GULP1: variants seen among roughly 807,000 people sequenced by gnomAD.
GULP1 encodes PTB domain-containing engulfment adapter protein 1.
In GULP1, 19 loss-of-function variants were observed where a neutral mutation model predicts 40.9. That is an observed-to-expected ratio of 0.46 (90% CI 0.32 to 0.68). The LOEUF (loss-of-function observed/expected upper bound fraction) is 0.68, where lower values mean the gene tolerates loss of function less well. Ranked by LOEUF, GULP1 falls within the 30% of genes least tolerant of loss-of-function variation. The probability of loss-of-function intolerance (pLI) is 0.03; values close to 1 mark genes in which losing one functional copy is unlikely to be tolerated. For synonymous variants in GULP1, 119 were observed against 117.6 expected, an observed-to-expected ratio of 1.01 and a Z score of -0.08; for missense variants, 312 against 362.2, an observed-to-expected ratio of 0.86 and a Z score of 1.12.
At chr2:188,544,127 G>A (rs1691271553) in intron 7 of GULP1, among the ~76,000 whole-genome samples, 1 of 152,048 alleles carries the variant, frequency 6.6e-6, no homozygotes. Context: ...TACTGGAATT[G>A]CATCTGATGA....
At chr2:188,452,867 C>T (rs2058943283) in intron 2 of GULP1, among the ~76,000 whole-genome samples, 1 of 152,180 alleles carries the variant, frequency 6.6e-6, no homozygotes, top group Non-Finnish European at 1.5e-5. Context: ...CATATTAAAA[C>T]TATTAGCACT....
chr2:188,497,914 A>C (rs2063059997), intron 4 of GULP1, among the ~76,000 whole-genome samples: 1 of 151,904 alleles, frequency 6.6e-6, no homozygotes, highest in African/African-American at 2.4e-5. Flanking sequence ...TAGATTATGA[A>C]CCAACAGCAT....
chr2:188,366,542 A>G (rs1477038672), intron 1 of GULP1, among the ~76,000 whole-genome samples: 1 of 146,118 alleles, frequency 6.8e-6, no homozygotes, highest in Non-Finnish European at 1.5e-5. Context: ...CTACAATTAC[A>G]TGGGCTTTTT....
intron 1 of GULP1, among the ~76,000 whole-genome samples, chr2:188,329,136 A>G (rs191831622): frequency 5.7e-5 from 8 of 139,226 alleles, no homozygotes; most frequent in African/African-American, 2.2e-4. Context: ...AGCCCTCTCT[A>G]TTGGACTCTT....
chr2:188,471,594 A>G (rs1488954915), intron 2 of GULP1, among the ~76,000 whole-genome samples: 1 of 152,166 alleles, frequency 6.6e-6, no homozygotes, highest in Non-Finnish European at 1.5e-5. Context: ...ATAACACATT[A>G]TCTTAAGCTG....
At chr2:188,450,208 A>G (rs568732941) in intron 2 of GULP1, among the ~76,000 whole-genome samples, 50 of 152,318 alleles carry the variant, frequency 3.3e-4, no homozygotes, top group African/African-American at 1.2e-3. Context: ...TAGGCTTTAC[A>G]GAACATGATG....
chr2:188,475,767 A>G (rs2060960706), intron 2 of GULP1, among the ~76,000 whole-genome samples: 1 of 152,132 alleles, frequency 6.6e-6, no homozygotes, highest in Non-Finnish European at 1.5e-5. Context: ...CTGTTAAGAT[A>G]TAGGTGAAAA....
At chr2:188,512,318 G>T (rs1489831245) in intron 4 of GULP1, among the ~76,000 whole-genome samples, 1 of 151,874 alleles carries the variant, frequency 6.6e-6, no homozygotes, top group Non-Finnish European at 1.5e-5. Flanking sequence ...TATTAATCTT[G>T]AAGCAATATA....
At chr2:188,360,629 G>A (rs922637969) in intron 1 of GULP1, among the ~76,000 whole-genome samples, 2 of 152,068 alleles carry the variant, frequency 1.3e-5, no homozygotes, top group Non-Finnish European at 2.9e-5. Flanking sequence ...TTTGGTCATG[G>A]TGTGCACAAT....
chr2:188,352,523 A>C (rs760265687), intron 1 of GULP1, among the ~76,000 whole-genome samples: 10 of 151,488 alleles, frequency 6.6e-5, no homozygotes, highest in Non-Finnish European at 1.0e-4. Context: ...CCGTCATTGC[A>C]TGAGCCCATT....
intron 4 of GULP1, among the ~76,000 whole-genome samples, chr2:188,513,799 C>T (rs933558990): frequency 2.6e-5 from 4 of 151,914 alleles, no homozygotes; most frequent in African/African-American, 4.8e-5. Context: ...TAAATTTTGT[C>T]TATTTGGATT....
chr2:188,576,327 G>A (rs555703325), intron 9 of GULP1, among the ~76,000 whole-genome samples: 1 of 152,030 alleles, frequency 6.6e-6, no homozygotes, highest in South Asian at 2.1e-4. Context: ...TGGTCACTGT[G>A]AGCTTATGTA....
chr2:188,433,933 C>CTT (rs35704445), intron 2 of GULP1, among the ~76,000 whole-genome samples: 35 of 149,220 alleles, frequency 2.3e-4, no homozygotes, highest in East Asian at 1.2e-3. Context: ...TACCTTATAC[C>CTT]TTTTTTTTTT....
At chr2:188,466,256 G>T (rs544455230) in intron 2 of GULP1, among the ~76,000 whole-genome samples, 1 of 151,482 alleles carries the variant, frequency 6.6e-6, no homozygotes, top group South Asian at 2.1e-4. Flanking sequence ...GGCACACTTT[G>T]TGGTTTTTAT....
intron 2 of GULP1, among the ~76,000 whole-genome samples, chr2:188,473,255 T>C (rs1000127306): frequency 3.9e-5 from 6 of 152,166 alleles, no homozygotes; most frequent in Non-Finnish European, 2.9e-5. Flanking sequence ...CACTGGTTCT[T>C]GCCCAAGACC....
intron 9 of GULP1, among the ~76,000 whole-genome samples, chr2:188,580,818 A>G (rs1171970660): frequency 6.6e-5 from 10 of 152,120 alleles, no homozygotes; most frequent in East Asian, 1.9e-4. Flanking sequence ...TACCTTTTAC[A>G]ATAAAGTTTA....
intron 1 of GULP1, among the ~76,000 whole-genome samples, chr2:188,335,446 C>T (rs931819409): frequency 6.6e-6 from 1 of 152,168 alleles, no homozygotes; most frequent in Admixed American, 6.5e-5. Flanking sequence ...GTTACCTCAT[C>T]TTCACCCTAC....
chr2:188,305,479 G>A (rs891466376), intron 1 of GULP1, among the ~76,000 whole-genome samples: 4 of 152,148 alleles, frequency 2.6e-5, no homozygotes, highest in African/African-American at 9.7e-5. Context: ...TTAGGGTATG[G>A]GGGAGGACTC....
chr2:188,433,832 T>A (rs1237981034), intron 2 of GULP1, among the ~76,000 whole-genome samples: 2 of 152,106 alleles, frequency 1.3e-5, no homozygotes, highest in East Asian at 3.9e-4. Flanking sequence ...TTGATTTAAT[T>A]TTGCTTTATA....
Sources: allele counts gnomAD v4.1 joint callset (sites outside exome capture counted in the v4.1 genomes callset), GRCh38; gene constraint gnomAD v4.1.1; transcripts MANE v1.5; gene names NCBI Gene and HGNC (gene_info 2026-07-23, HGNC 2026-07-21).